NCOR2: variants seen among roughly 807,000 people sequenced by gnomAD.
The protein encoded by NCOR2 is nuclear receptor corepressor 2, also known as CTG repeat protein 26.
Under a neutral mutation model 262.9 loss-of-function variants are expected in NCOR2, and 81 were observed. That is an observed-to-expected ratio of 0.31 (90% CI 0.26 to 0.37). The LOEUF is 0.37. NCOR2 is among the 10% of genes least tolerant of loss of function. The pLI is 1.00. For missense variants in NCOR2, 3,385 were observed against 3,621.4 expected (o/e 0.93, Z 1.68); for synonymous variants, 1,659 against 1,559.3 (o/e 1.06, Z -1.51).
chr12:124,479,337 A>C (rs1342736593), intron 3 of NCOR2, among the ~76,000 whole-genome samples: 4 of 150,744 alleles, frequency 2.7e-5, no homozygotes, highest in African/African-American at 7.4e-5. Context: ...TGCGCACACA[A>C]ACACACATAC....
rs867791000 is a variant in NCOR2 at position 124,553,062 on chromosome 12, G to C, written c.-165+14246C>G. Among the ~76,000 whole-genome samples, 5 of 152,148 alleles carry C rather than the reference G, an allele frequency of 3.3e-5. No individual in the cohort carries two copies. The East Asian group carries it at 7.7e-4, about 23-fold the overall frequency. On this transcript the variant is annotated intron_variant, in intron 1 of 32. Transcript: ENST00000458234. Reference sequence around the variant, plus strand: ...CTAACAGAGCTAAATTCAAGGTGTCGGTAGGCTGCATCCAGTCTGGAGACT... The same window carrying C: ...CTAACAGAGCTAAATTCAAGGTGTCCGTAGGCTGCATCCAGTCTGGAGACT...
chr12:124,363,605 G>C, intron 21 of NCOR2, 74 bp downstream of exon 23: 1 of 1,276,334 alleles, frequency 7.8e-7, no homozygotes, highest in Non-Finnish European at 1.0e-6. Context: ...CCCGCCCGTG[G>C]GATTCTCTGT....
intron 1 of NCOR2, among the ~76,000 whole-genome samples, chr12:124,546,707 C>T (rs2051556213): frequency 1.3e-5 from 2 of 152,136 alleles, no homozygotes; most frequent in Non-Finnish European, 2.9e-5. Context: ...GCCACCGCGC[C>T]CAGCCAATTC....
intron 22 of NCOR2, among the ~76,000 whole-genome samples, chr12:124,360,468 G>C (rs1593210779): frequency 6.6e-6 from 1 of 152,328 alleles, no homozygotes; most frequent in East Asian, 1.9e-4. Context: ...TGCTGCCCTT[G>C]ACTCAACAAC....
intron 10 of NCOR2, 22 bp from the exon 13 acceptor site, chr12:124,426,822 G>A (rs1565932405): frequency 6.4e-7 from 1 of 1,552,762 alleles, no homozygotes; most frequent in African/African-American, 1.4e-5. Context: ...CGGAGGGCAG[G>A]GTCAGAGGCC....
intron 1 of NCOR2, among the ~76,000 whole-genome samples, chr12:124,560,374 C>T (rs2052028835): frequency 6.6e-6 from 1 of 152,236 alleles, no homozygotes; most frequent in South Asian, 2.1e-4. Flanking sequence ...CCGAAATTTG[C>T]ATTTCATATG....
At chr12:124,359,190 C>A (rs2038290225) in intron 22 of NCOR2, among the ~76,000 whole-genome samples, 1 of 152,204 alleles carries the variant, frequency 6.6e-6, no homozygotes, top group African/African-American at 2.4e-5. Context: ...TCCCTGAGGA[C>A]CAATCCTATG....
chr12:124,330,893 T>C (rs2228587), exon 44 of NCOR2: 22,524 of 1,581,026 alleles, frequency 0.014, 904 homozygotes, highest in South Asian at 0.1. Flanking sequence ...CCAGGCTGGC[T>C]GATATCTGGA....
chr12:124,501,696 G>A (rs2048747650), intron 1 of NCOR2, among the ~76,000 whole-genome samples: 1 of 152,156 alleles, frequency 6.6e-6, no homozygotes, highest in African/African-American at 2.4e-5. Context: ...CTATCCGGTT[G>A]TGACCTCATC....
At chr12:124,384,138 C>G (rs2040618694) in intron 17 of NCOR2, among the ~76,000 whole-genome samples, 1 of 152,202 alleles carries the variant, frequency 6.6e-6, no homozygotes, top group Admixed American at 6.5e-5. Context: ...AGCCCTGCCC[C>G]CAAGTCATCC....
At chr12:124,359,102 G>C (rs945175688) in intron 22 of NCOR2, among the ~76,000 whole-genome samples, 2 of 152,198 alleles carry the variant, frequency 1.3e-5, no homozygotes, top group Non-Finnish European at 2.9e-5. Flanking sequence ...CGGGGCCCCG[G>C]GGCTCAGGCC....
At chr12:124,358,724 C>T (rs2038229263) in intron 22 of NCOR2, among the ~76,000 whole-genome samples, 1 of 152,248 alleles carries the variant, frequency 6.6e-6, no homozygotes, top group South Asian at 2.1e-4. Flanking sequence ...TGTGCGCTGG[C>T]TGGCTGAGAA....
At chr12:124,500,282 G>A (rs1242997) in intron 1 of NCOR2, among the ~76,000 whole-genome samples, 116,918 of 152,102 alleles carry the variant, frequency 0.77, 45,390 homozygotes, top group South Asian at 0.86. Flanking sequence ...CAGATCCCAC[G>A]CAGGCAGGTG....
chr12:124,479,470 A>AC lies in NCOR2; in HGVS notation c.411+4125_411+4126insG, dbSNP rs1565981609. On this transcript the variant is annotated intron_variant, in intron 3 of 46. Coordinates refer to ENST00000405201, the Ensembl canonical transcript of NCOR2. ...ACACACGCATACACACACACACACA[A>AC]ACACGCAGGGACACACACAGGCACA... Among the ~76,000 whole-genome samples, 7 of 63,204 alleles carry AC rather than the reference A, an allele frequency of 1.1e-4. No individual in the cohort carries two copies. In the East Asian group the frequency reaches 2.2e-3, roughly 20 times the overall value. The allele number at this position is 63,204 out of a possible 152,430, so 41.5% of individuals were successfully genotyped here. A position where few individuals can be genotyped will look rare whatever the true frequency, so the allele number is the denominator to read the frequency against.
At chr12:124,491,517 C>T (rs1011764634) in intron 1 of NCOR2, among the ~76,000 whole-genome samples, 4 of 152,198 alleles carry the variant, frequency 2.6e-5, no homozygotes, top group African/African-American at 4.8e-5. Context: ...TTCAATACTG[C>T]GGCATAGAGA....
upstream of NCOR2, chr12:124,539,778 C>A (rs2051233909): frequency 6.6e-6 from 1 of 152,380 alleles, no homozygotes; most frequent in African/African-American, 2.4e-5. The surrounding 1 kb of genome is among the most constrained non-coding windows in gnomAD (Gnocchi z 5.1). Flanking sequence ...ACCAAACGCA[C>A]CGTCACCCTG....
exon 47 of NCOR2, chr12:124,325,377 G>T: frequency 4.1e-6 from 1 of 246,788 alleles, no homozygotes. Context: ...ACCTGACACC[G>T]CCCCCCCCCC....
intron 16 of NCOR2, among the ~76,000 whole-genome samples, chr12:124,394,074 T>C (rs113100307): frequency 0.055 from 8,361 of 152,302 alleles, 782 homozygotes; most frequent in African/African-American, 0.19. Flanking sequence ...GGCCCCAAAG[T>C]GTAGGTACCT....
intron 14 of NCOR2, among the ~76,000 whole-genome samples, chr12:124,400,922 C>T (rs572847096): frequency 1.5e-4 from 23 of 152,208 alleles, no homozygotes; most frequent in East Asian, 9.7e-4. Flanking sequence ...AAGGGAGTTG[C>T]GGCCAGGTGT....
Sources: gnomAD v4.1 joint callset for allele counts (sites outside exome capture counted in the v4.1 genomes callset) on GRCh38, gnomAD v4.1.1 for gene constraint, Gnocchi (gnomAD v3.1) non-coding constraint, MANE v1.5 for transcripts, NCBI Gene and HGNC (gene_info 2026-07-23, HGNC 2026-07-21) for gene names.